The following FAS variants were observed in gnomAD, a reference collection of about 807,000 sequenced individuals.
The protein encoded by FAS is Fas cell surface death receptor.
FAS carries 5 observed loss-of-function variants against 33.2 expected under a neutral mutation model. That is an observed-to-expected ratio of 0.15 (90% CI 0.08 to 0.32). The LOEUF is 0.32. FAS is among the 10% of genes least tolerant of loss of function. The pLI, the probability that FAS is intolerant of heterozygous loss-of-function variation, is 1.00. For synonymous variants in FAS, 131 were observed against 130.7 expected (o/e 1.00, Z -0.01); for missense variants, 339 against 386.0 (o/e 0.88, Z 1.02).
intron 1 of FAS, among the ~76,000 whole-genome samples, chr10:88,994,971 A>AAAT (rs1244398865): frequency 6.6e-6 from 1 of 151,756 alleles, no homozygotes; most frequent in East Asian, 1.9e-4. Context: ...TTGTGATGAA[A>AAAT]AATAATAAAA....
At chr10:89,002,658 C>T (rs1015040028) in intron 1 of FAS, 5 of 306,392 alleles carry the variant, frequency 1.6e-5, no homozygotes, top group Admixed American at 8.7e-5. Context: ...CATTATTCCA[C>T]GTATTTTCAC....
rs534860527 is a variant in FAS at position 89,010,685 on chromosome 10, G to T, written c.506-68G>T. ...AAAAACCAATCACTCTTGATTACTA[G>T]AAAGTCCTTTATTTAATCTTAAAGA... On this transcript the variant is annotated intron_variant, in intron 5 of 8. Transcript: ENST00000652046. 270 of 1,606,930 alleles carry T rather than the reference G, an allele frequency of 1.7e-4. 3 individuals carry two copies. In the South Asian group the frequency reaches 2.8e-3, roughly 17 times the overall value.
At chr10:88,999,691 A>T (rs1322544408) in intron 1 of FAS, among the ~76,000 whole-genome samples, 1 of 152,194 alleles carries the variant, frequency 6.6e-6, no homozygotes, top group African/African-American at 2.4e-5. Context: ...ATAAAAATAG[A>T]CAGTTGTTCT....
intron 1 of FAS, among the ~76,000 whole-genome samples, chr10:88,965,043 CT>C (rs1207081638): frequency 6.6e-6 from 1 of 152,142 alleles, no homozygotes; most frequent in African/African-American, 2.4e-5. Flanking sequence ...CCCTTTTCTT[CT>C]TCTGCCAAAT....
At chr10:88,996,897 A>T (rs1192169726) in intron 1 of FAS, among the ~76,000 whole-genome samples, 1 of 152,124 alleles carries the variant, frequency 6.6e-6, no homozygotes, top group Non-Finnish European at 1.5e-5. Context: ...TTCTTGTATG[A>T]CCCACGTGGC....
In FAS at chr10:89,016,348, A is replaced by C. The variant is rs1447243852; in HGVS notation, c.*1898A>C. The C allele has an allele frequency of 4.6e-6, 1 of 218,878 alleles. No homozygotes were observed. Among genetic ancestry groups the C allele is most frequent in the Non-Finnish European group, 9.2e-6 (1 of 108,982 alleles). 13.6% of individuals were successfully genotyped at this position (218,878 alleles called of 1,614,324 possible). A position where few individuals can be genotyped will look rare whatever the true frequency, so the allele number is the denominator to read the frequency against. On this transcript the variant is annotated 3_prime_UTR_variant, in exon 9 of 9. Coordinates refer to ENST00000652046, the MANE Select transcript of FAS (RefSeq NM_000043.6). ...TTCACTCATTAATTTCTCTTTTCTG[A>C]GCCATCATAGTCTGTGCTGTCTGCT... is the stretch of plus-strand genomic sequence containing the variant.
chr10:88,985,652 C>T (rs1846859062), upstream of FAS, among the ~76,000 whole-genome samples: 1 of 152,190 alleles, frequency 6.6e-6, no homozygotes, highest in African/African-American at 2.4e-5. Context: ...AGTCCCCCAC[C>T]CCCATCCCAC....
rs752719273 is a variant in FAS at position 89,015,995 on chromosome 10, G to A, written c.*1545G>A. 4 of 249,468 alleles carry A rather than the reference G, an allele frequency of 1.6e-5. No individual in the cohort carries two copies. The highest frequency in any genetic ancestry group is 3.1e-5 in the Non-Finnish European group (4 of 127,596). 15.5% of individuals were successfully genotyped at this position (249,468 alleles called of 1,614,324 possible). On this transcript the variant is annotated 3_prime_UTR_variant, in exon 9 of 9. Transcript: ENST00000652046. ...TCTTCCAAACAGCACATGATTATTC[G>A]TCAAACAGTTTCGTATTCCAGATAC...
chr10:89,005,576 A>G (rs775773096), intron 2 of FAS, among the ~76,000 whole-genome samples: 2 of 152,066 alleles, frequency 1.3e-5, no homozygotes, highest in Non-Finnish European at 2.9e-5. Context: ...TATTATATGC[A>G]TAGGAATGCA....
intron 2 of FAS, among the ~76,000 whole-genome samples, chr10:88,977,237 C>G (rs1846585738): frequency 6.6e-6 from 1 of 151,498 alleles, no homozygotes. Flanking sequence ...AAGTCCTTGC[C>G]CATGCCTATG....
chr10:88,996,775 A>C (rs1444114398), intron 1 of FAS, among the ~76,000 whole-genome samples: 1 of 152,192 alleles, frequency 6.6e-6, no homozygotes, highest in Non-Finnish European at 1.5e-5. Context: ...TTTGTCGAAT[A>C]AAAATAATAC....
At chr10:88,982,009 T>C (rs2133350312), upstream of FAS, among the ~76,000 whole-genome samples, 1 of 152,326 alleles carries the variant, frequency 6.6e-6, no homozygotes, top group South Asian at 2.1e-4. Context: ...TTAAATAAGT[T>C]AGTATATATA....
intron 2 of FAS, among the ~76,000 whole-genome samples, chr10:88,978,198 A>G (rs1362026262): frequency 3.1e-5 from 4 of 129,272 alleles, no homozygotes; most frequent in South Asian, 2.8e-4. Context: ...GAATTGAACA[A>G]TGAGATCACA....
upstream of FAS, among the ~76,000 whole-genome samples, chr10:88,985,825 A>G (rs1463246748): frequency 6.6e-6 from 1 of 152,214 alleles, no homozygotes; most frequent in Non-Finnish European, 1.5e-5. Flanking sequence ...GCAGGGAGGA[A>G]GTCTAAAGTA....
At position 89,004,841 on chromosome 10, in the gene FAS, C is replaced by T. The variant is rs533588006; in HGVS notation, c.196+1647C>T. 2.6e-5 allele frequency among the ~76,000 whole-genome samples: 4 copies of T among 152,270 alleles called. No individual in the cohort carries two copies. In the South Asian group the frequency reaches 8.3e-4, roughly 32 times the overall value. The stretch of plus-strand genomic sequence containing the variant: ...GCATCCAACCATGTTAAATACTCTT[C>T]CCACTTCAATTCCCTCTTGTTGAAT... On this transcript the variant is annotated intron_variant, in intron 2 of 8. Coordinates refer to ENST00000652046, the MANE Select transcript of FAS (RefSeq NM_000043.6).
intron 2 of FAS, among the ~76,000 whole-genome samples, chr10:88,981,714 G>C (rs927558798): frequency 9.2e-5 from 14 of 152,272 alleles, no homozygotes; most frequent in African/African-American, 2.6e-4. Context: ...GGAAACGGTA[G>C]ATAAAAGATT....
chr10:89,013,231 G>T, intron 7 of FAS, 112 bp from the exon 8 acceptor site: 1 of 985,384 alleles, frequency 1.0e-6, no homozygotes, highest in South Asian at 1.5e-5. Flanking sequence ...TATACATCAA[G>T]CAACTGATTG....
chr10:88,973,526 C>T, intron 2 of FAS: 2 of 461,456 alleles, frequency 4.3e-6, no homozygotes, highest in Non-Finnish European at 3.5e-6. Flanking sequence ...ACCCTGTCAC[C>T]TTGGCTCTGT....
intron 1 of FAS, among the ~76,000 whole-genome samples, chr10:88,993,082 T>C (rs1847354422): frequency 6.6e-6 from 1 of 152,224 alleles, no homozygotes; most frequent in Non-Finnish European, 1.5e-5. Flanking sequence ...GTGATAACTA[T>C]AGTCAACAAG....
Sources: gnomAD v4.1 joint callset for allele counts (sites outside exome capture counted in the v4.1 genomes callset) on GRCh38, gnomAD v4.1.1 for gene constraint, MANE v1.5 for transcripts, NCBI Gene and HGNC (gene_info 2026-07-23, HGNC 2026-07-21) for gene names.